PWWP3A: variants seen among roughly 807,000 people sequenced by gnomAD.
The protein encoded by PWWP3A is PWWP domain containing 3A, DNA repair factor.
A neutral mutation model predicts 79.0 loss-of-function variants in PWWP3A; 53 were observed. The observed-to-expected ratio is 0.67, with a 90% CI of 0.54 to 0.84. The LOEUF is 0.84. Among genes scored for constraint, PWWP3A ranks in the 40% least tolerant of loss-of-function variants. The probability of loss-of-function intolerance (pLI) is 0.00; values close to 1 mark genes in which losing one functional copy is unlikely to be tolerated. For synonymous variants in PWWP3A, 443 were observed against 394.4 expected, an observed-to-expected ratio of 1.12 and a Z score of -1.46; for missense variants, 973 against 948.0, an observed-to-expected ratio of 1.03 and a Z score of -0.35.
intron 13 of PWWP3A, among the ~76,000 whole-genome samples, chr19:1,375,517 A>T (rs1320629877): frequency 8.7e-6 from 1 of 115,492 alleles, no homozygotes; most frequent in Non-Finnish European, 1.7e-5. Context: ...ATAATATATA[A>T]AATCATATAA....
At position 1,370,969 on chromosome 19, in the gene PWWP3A, A is replaced by G; in HGVS notation, c.1877A>G (p.Asp626Gly). 6.4e-7 allele frequency: 1 copy of G among 1,561,860 alleles called. No individual in the cohort carries two copies. Among genetic ancestry groups the G allele is most frequent in the South Asian group, 1.2e-5 (1 of 84,778 alleles). ...ETYLEDEGQLDLVVKYLQGVY... is the reference protein window; with the variant it reads ...ETYLEDEGQLGLVVKYLQGVY... ...TACCTGGAGGATGAGGGGCAGCTGG[A>G]CCTGGTGGTGAAGTACCTGCAGGGC... Residue 626 changes from aspartate (D) to glycine (G), a missense_variant, in exon 12 of 14, where the codon GAC becomes GGC. Physicochemically the swap from Asp to Gly is moderately conservative, Grantham distance 94. Coordinates refer to ENST00000591337, the MANE Select transcript of PWWP3A (RefSeq NM_001369789.1).
In PWWP3A at chr19:1,360,817, C is replaced by T. The variant is rs372020836; in HGVS notation, c.896C>T (p.Ala299Val). ...TGCTCAGAGCCTGGAGAATGCCCTGCGAAAAAGAGGCCGCGCCTGGATGGC... is the reference window on the plus strand; with the variant it reads ...TGCTCAGAGCCTGGAGAATGCCCTGTGAAAAAGAGGCCGCGCCTGGATGGC... ...SACSEPGECP[A>V]KKRPRLDGSQ... Residue 299 changes from alanine to valine, a missense_variant, in exon 5 of 14, where the codon GCG becomes GTG. By Grantham distance (64) the Ala-to-Val change is moderately conservative. Transcript: ENST00000591337. This position sits in a 1 kb window ranked among gnomAD's most constrained non-coding sequence, Gnocchi z 4.4. 4.0e-5 allele frequency: 63 copies of T among 1,578,648 alleles called. No individual in the cohort carries two copies. In the African/African-American group the frequency reaches 5.0e-4, roughly 13 times the overall value.
In PWWP3A at chr19:1,362,312, G is replaced by C. The variant is rs1400824555; in HGVS notation, c.1174G>C (p.Glu392Gln). Residue 392 changes from glutamate (E) to glutamine (Q), a missense_variant, in exon 6 of 14, where the codon GAG becomes CAG. Glu to Gln is a conservative substitution (Grantham distance 29). Coordinates refer to ENST00000591337, the MANE Select transcript of PWWP3A (RefSeq NM_001369789.1). Reference sequence around the variant, plus strand: ...CATGCGTTCTATCCTGGAGGAAGACGAGGAAGACGAGGAGCCACCAAGAGT... The same window carrying C: ...CATGCGTTCTATCCTGGAGGAAGACCAGGAAGACGAGGAGCCACCAAGAGT... ...NSMRSILEED[E>Q]EDEEPPRVLL... 3.1e-6 allele frequency: 5 copies of C among 1,614,078 alleles called. No homozygotes were observed. The highest frequency in any genetic ancestry group is 4.2e-6 in the Non-Finnish European group (5 of 1,180,008).
At chr19:1,367,369 G>A (rs529359892) in intron 9 of PWWP3A, 149 bp downstream of exon 9, 20 of 674,552 alleles carry the variant, frequency 3.0e-5, no homozygotes, top group South Asian at 3.8e-5. Flanking sequence ...CGCTCTGGCC[G>A]TTAGAGTTAG....
intron 13 of PWWP3A, among the ~76,000 whole-genome samples, chr19:1,376,298 T>TTG (rs1555773621): frequency 1.1e-5 from 1 of 90,186 alleles, no homozygotes; most frequent in Non-Finnish European, 2.2e-5. Flanking sequence ...GCTGTTTGTT[T>TTG]TTTTTTTTGT....
intron 13 of PWWP3A, 64 bp from the exon 14 acceptor site, chr19:1,376,453 CCT>C (rs749759933): frequency 8.5e-6 from 13 of 1,537,612 alleles, no homozygotes; most frequent in African/African-American, 2.7e-5. Flanking sequence ...CACACCCAGT[CCT>C]CTCTCTCATA....
intron 2 of PWWP3A, among the ~76,000 whole-genome samples, 174 bp from the exon 3 acceptor site, chr19:1,356,835 G>A (rs1397426886): frequency 6.6e-6 from 1 of 152,074 alleles, no homozygotes; most frequent in Non-Finnish European, 1.5e-5. Flanking sequence ...GTCTGCCACT[G>A]GCCTCTCATG....
chr19:1,368,412 G>A lies in PWWP3A; in HGVS notation c.1423-853G>A, dbSNP rs770834743. ...TGTGAGTCAGGTATGTGGTGGTCCC[G>A]AAGCCCACTTGATTCAGTGGTAGTC... On this transcript the variant is annotated intron_variant, in intron 9 of 13. Transcript: ENST00000591337. The surrounding 1 kb of genome is among the most constrained non-coding windows in gnomAD (Gnocchi z 4.7). Among the ~76,000 whole-genome samples the A allele has an allele frequency of 6.6e-6, 1 of 152,142 alleles. No individual in the cohort carries two copies. The highest frequency in any genetic ancestry group is 1.5e-5 in the Non-Finnish European group (1 of 68,024).
intron 13 of PWWP3A, chr19:1,374,164 A>G (rs2082317420): frequency 6.6e-6 from 1 of 151,254 alleles, no homozygotes; most frequent in Admixed American, 6.6e-5. Context: ...CTCCACGCCC[A>G]TCTGTGGAAA....
chr19:1,376,396 C>T (rs1354392494), intron 13 of PWWP3A, 123 bp from the exon 14 acceptor site: 6 of 755,182 alleles, frequency 7.9e-6, no homozygotes, highest in East Asian at 3.5e-5. Flanking sequence ...CCTTGTGATC[C>T]GCCTGCCTCG....
rs529227317 is a variant in PWWP3A, at chr19:1,370,896, C to T, written c.1804C>T (p.Leu602=). The stretch of plus-strand genomic sequence containing the variant: ...AAAGAGCAGGAAGCCATCTCGCTGG[C>T]TGCAGACCTTCCTGAGCTCCAGCCA... The part of the protein sequence containing the change: ...ILKSRKPSRW[L]QTFLSSSQYV... Residue 602 remains leucine, a synonymous_variant, in exon 12 of 14, where the codon CTG becomes TTG. Coordinates refer to ENST00000591337, the MANE Select transcript of PWWP3A (RefSeq NM_001369789.1). 4.2e-5 allele frequency: 66 copies of T among 1,555,724 alleles called. No individual in the cohort carries two copies. The South Asian group carries it at 7.8e-4, about 18-fold the overall frequency.
intron 6 of PWWP3A, among the ~76,000 whole-genome samples, chr19:1,362,825 G>A (rs2082048884): frequency 6.6e-6 from 1 of 152,246 alleles, no homozygotes; most frequent in Non-Finnish European, 1.5e-5. Flanking sequence ...GCTTGCACTA[G>A]AGGAAAACCT....
rs2082125767 is a variant in PWWP3A, at chr19:1,366,228, T to C, written c.1285-77T>C. ...GGGTCAGCGCCTGTTAGATGTATCA[T>C]GTGATGTCACAAAAAAATATTTAAA... On this transcript the variant is annotated intron_variant, in intron 7 of 13. Transcript: ENST00000591337. 13 of 1,452,804 alleles carry C rather than the reference T, an allele frequency of 8.9e-6. No individual in the cohort carries two copies. The Middle Eastern group carries it at 5.2e-4, about 58-fold the overall frequency. The allele number at this position is 1,452,804 out of a possible 1,614,324, so 90.0% of individuals were successfully genotyped here.
Position 1,365,545 on chromosome 19 carries a change from C to T in PWWP3A, c.1285-760C>T, listed in dbSNP as rs1369167103. The stretch of plus-strand genomic sequence containing the variant: ...GGTTCCGGGAAACCGGGGATTGAAT[C>T]TGTGTGGTGTTCGCTGGGGAGGTTC... On this transcript the variant is annotated intron_variant, in intron 7 of 13. Coordinates refer to ENST00000591337, the MANE Select transcript of PWWP3A (RefSeq NM_001369789.1). 3.3e-5 allele frequency among the ~76,000 whole-genome samples: 5 copies of T among 152,274 alleles called. No homozygotes were observed. In the South Asian group the frequency reaches 8.3e-4, roughly 25 times the overall value.
chr19:1,370,446 G>A (rs936512115), intron 11 of PWWP3A, among the ~76,000 whole-genome samples, 196 bp from the exon 12 acceptor site: 1 of 152,152 alleles, frequency 6.6e-6, no homozygotes, highest in Non-Finnish European at 1.5e-5. Flanking sequence ...GCCCAGTGAG[G>A]GGGGAAAGGC....
chr19:1,365,136 GA>G (rs569871838), intron 7 of PWWP3A, among the ~76,000 whole-genome samples: 1 of 151,912 alleles, frequency 6.6e-6, no homozygotes, highest in Non-Finnish European at 1.5e-5. Context: ...AAAGAAAAAG[GA>G]AAAAAAAGAA....
intron 1 of PWWP3A, among the ~76,000 whole-genome samples, chr19:1,355,983 G>A (rs935008763): frequency 6.6e-6 from 1 of 152,162 alleles, no homozygotes; most frequent in African/African-American, 2.4e-5. Flanking sequence ...AGGGTTGTGA[G>A]CTTTGATTGT....
chr19:1,370,990 A>G lies in PWWP3A; in HGVS notation c.1898A>G (p.Gln633Arg), dbSNP rs1329775662. 6.4e-7 allele frequency: 1 copy of G among 1,567,618 alleles called. No homozygotes were observed. Among genetic ancestry groups the G allele is most frequent in the Non-Finnish European group, 8.7e-7 (1 of 1,155,884 alleles). Residue 633 changes from glutamine (Q) to arginine (R), a missense_variant, in exon 12 of 14, where the codon CAG (glutamine) becomes CGG (arginine). Transcript: ENST00000591337. ...GQLDLVVKYL[Q>R]GVYQEVGAKV... Reference sequence around the variant, plus strand: ...CTGGACCTGGTGGTGAAGTACCTGCAGGGCGTCTACCAGGAGGTGGGGGCC... The same window carrying G: ...CTGGACCTGGTGGTGAAGTACCTGCGGGGCGTCTACCAGGAGGTGGGGGCC...
At position 1,371,010 on chromosome 19, in the gene PWWP3A, G is replaced by A; in HGVS notation, c.1918G>A (p.Gly640Arg). 6.4e-7 allele frequency: 1 copy of A among 1,573,062 alleles called. No individual in the cohort carries two copies. Among genetic ancestry groups the A allele is most frequent in the Non-Finnish European group, 8.6e-7 (1 of 1,159,046 alleles). ...KYLQGVYQEV[G>R]AKVLQRTNGD... Reference sequence around the variant, plus strand: ...CCTGCAGGGCGTCTACCAGGAGGTGGGGGCCAAGGTGCTCCAGCGCACCAA... The same window carrying A: ...CCTGCAGGGCGTCTACCAGGAGGTGAGGGCCAAGGTGCTCCAGCGCACCAA... Residue 640 changes from glycine to arginine, a missense_variant, in exon 12 of 14, where the codon GGG (glycine) becomes AGG (arginine). Transcript: ENST00000591337.
Sources: allele counts gnomAD v4.1 joint callset (sites outside exome capture counted in the v4.1 genomes callset), GRCh38; gene constraint gnomAD v4.1.1; non-coding constraint Gnocchi (gnomAD v3.1); transcripts MANE v1.5; gene names NCBI Gene and HGNC (gene_info 2026-07-23, HGNC 2026-07-21).